The following CBR4 variants were observed in gnomAD, a reference collection of about 807,000 sequenced individuals.
CBR4 encodes the protein carbonyl reductase 4, also known as 3-oxoacyl-[acyl-carrier-protein] reductase.
A neutral mutation model predicts 21.0 loss-of-function variants in CBR4; 22 were observed. The observed-to-expected ratio is 1.05, with a 90% CI of 0.75 to 1.50. The LOEUF is 1.50. Among genes scored for constraint, CBR4 ranks in the 40% most tolerant of loss-of-function variants. CBR4 has a pLI of 0.00. For synonymous variants in CBR4, 100 were observed against 104.4 expected, an observed-to-expected ratio of 0.96 and a Z score of 0.26; for missense variants, 302 against 286.3, an observed-to-expected ratio of 1.05 and a Z score of -0.40.
At chr4:169,008,640 T>C (rs570266969) in intron 1 of CBR4, among the ~76,000 whole-genome samples, 1 of 152,208 alleles carries the variant, frequency 6.6e-6, no homozygotes, top group Non-Finnish European at 1.5e-5. Context: ...AAAAGCATCC[T>C]GTGTCTCTCT....
chr4:168,923,270 T>C (rs1210434459), intron 2 of CBR4, among the ~76,000 whole-genome samples: 2 of 152,196 alleles, frequency 1.3e-5, no homozygotes, highest in African/African-American at 4.8e-5. Context: ...TCCAACCTTC[T>C]AACTAACTCG....
At chr4:168,920,074 G>A (rs948442211) in intron 2 of CBR4, among the ~76,000 whole-genome samples, 7 of 152,174 alleles carry the variant, frequency 4.6e-5, no homozygotes, top group African/African-American at 1.7e-4. Context: ...AACAAGCAGT[G>A]CCGCTTTGTT....
At chr4:168,910,665 G>C (rs1285404446) in intron 2 of CBR4, among the ~76,000 whole-genome samples, 1 of 152,084 alleles carries the variant, frequency 6.6e-6, no homozygotes, top group Non-Finnish European at 1.5e-5. Context: ...GAACCCATTA[G>C]GTATTAACTA....
intron 2 of CBR4, chr4:168,896,747 C>T: frequency 3.4e-6 from 2 of 588,450 alleles, no homozygotes; most frequent in Non-Finnish European, 2.9e-6. Flanking sequence ...ATATCAGATA[C>T]ACAAAATTAC....
intron 2 of CBR4, among the ~76,000 whole-genome samples, chr4:168,956,412 T>C (rs1195021122): frequency 2.0e-5 from 3 of 151,302 alleles, no homozygotes; most frequent in Admixed American, 2.0e-4. Flanking sequence ...CTGGGCAACA[T>C]GGCAGAACCC....
chr4:168,904,244 A>T (rs956168339), intron 2 of CBR4: 3 of 281,944 alleles, frequency 1.1e-5, no homozygotes, highest in Non-Finnish European at 2.1e-5. Context: ...AACTTCAGGT[A>T]GGATTACATG....
At chr4:168,932,430 G>A (rs1406361588) in intron 2 of CBR4, among the ~76,000 whole-genome samples, 1 of 151,988 alleles carries the variant, frequency 6.6e-6, no homozygotes, top group Non-Finnish European at 1.5e-5. Flanking sequence ...CAGAATGTAT[G>A]GGACACTGTT....
At chr4:168,896,668 T>C (rs373210861) in intron 2 of CBR4, 4 of 842,818 alleles carry the variant, frequency 4.7e-6, no homozygotes, top group Non-Finnish European at 7.6e-6. Flanking sequence ...TCTTCCTGTT[T>C]TACGTGTGTT....
intron 4 of CBR4, among the ~76,000 whole-genome samples, chr4:168,999,780 T>G (rs1003900584): frequency 1.3e-5 from 2 of 152,186 alleles, no homozygotes; most frequent in Non-Finnish European, 2.9e-5. Context: ...GACAACTATT[T>G]ACTCTAAACT....
chr4:168,998,608 T>C (rs544922199), intron 4 of CBR4, among the ~76,000 whole-genome samples: 11 of 152,284 alleles, frequency 7.2e-5, no homozygotes, highest in Admixed American at 4.6e-4. Flanking sequence ...GTGGTGAAGA[T>C]TGAACAATTC....
At chr4:168,923,897 G>T (rs964040803) in intron 2 of CBR4, among the ~76,000 whole-genome samples, 17 of 148,270 alleles carry the variant, frequency 1.1e-4, no homozygotes. Flanking sequence ...GGCAGTAGTT[G>T]GTTGAGGCTG....
At chr4:168,929,116 C>A (rs1207626372) in intron 2 of CBR4, among the ~76,000 whole-genome samples, 3 of 151,976 alleles carry the variant, frequency 2.0e-5, no homozygotes, top group African/African-American at 7.3e-5. Context: ...ACATAAAATA[C>A]AGCAAGATGA....
rs190457774 is a variant in CBR4, at chr4:168,959,192, A to G, written n.169+42879T>C. 5.0e-3 allele frequency among the ~76,000 whole-genome samples: 769 copies of G among 152,304 alleles called. 3 individuals are homozygous for G. Among genetic ancestry groups the G allele is most frequent in the Non-Finnish European group, 8.0e-3 (544 of 68,032 alleles). On this transcript the variant is annotated intron_variant and non_coding_transcript_variant, in intron 2 of 3. Coordinates refer to the CBR4 transcript ENST00000509108. ...TAGTTTTTAGATTTATGTCGTATCCATTAAAATTAATTTTTTTGTATGGTG... is the reference window on the plus strand; with the variant it reads ...TAGTTTTTAGATTTATGTCGTATCCGTTAAAATTAATTTTTTTGTATGGTG...
chr4:168,941,184 G>T (rs1763254534), intron 2 of CBR4, among the ~76,000 whole-genome samples: 1 of 152,120 alleles, frequency 6.6e-6, no homozygotes, highest in Non-Finnish European at 1.5e-5. Context: ...TCGGGGGTGG[G>T]GGCCTGGGGA....
chr4:168,984,642 C>T (rs953978500), downstream of CBR4, among the ~76,000 whole-genome samples: 1 of 152,082 alleles, frequency 6.6e-6, no homozygotes, highest in African/African-American at 2.4e-5. Flanking sequence ...GGAGGCATCA[C>T]ACTACTCAAC....
At chr4:168,972,968 G>A (rs918631443) in intron 2 of CBR4, among the ~76,000 whole-genome samples, 12 of 152,300 alleles carry the variant, frequency 7.9e-5, no homozygotes, top group African/African-American at 2.9e-4. Context: ...CGATTTTGCT[G>A]AGGGTTTTAC....
intron 2 of CBR4, among the ~76,000 whole-genome samples, chr4:168,922,763 T>C (rs1170123114): frequency 6.6e-6 from 1 of 152,206 alleles, no homozygotes; most frequent in African/African-American, 2.4e-5. Flanking sequence ...ATTGATTTCA[T>C]TCCTCTAACC....
intron 2 of CBR4, among the ~76,000 whole-genome samples, chr4:168,895,692 A>G (rs1754979990): frequency 6.6e-6 from 1 of 152,236 alleles, no homozygotes; most frequent in Non-Finnish European, 1.5e-5. Flanking sequence ...GGTCTTGCTT[A>G]TCTCAGGGGT....
chr4:169,005,827 ACT>A (rs1730867609), intron 3 of CBR4: 1 of 1,195,690 alleles, frequency 8.4e-7, no homozygotes, highest in African/African-American at 1.6e-5. Context: ...AAACAGAAAA[ACT>A]CTAAATTCTG....
Sources: allele counts gnomAD v4.1 joint callset (sites outside exome capture counted in the v4.1 genomes callset), GRCh38; gene constraint gnomAD v4.1.1; transcripts MANE v1.5; gene names NCBI Gene and HGNC (gene_info 2026-07-23, HGNC 2026-07-21).